The following SEC23A variants were observed in gnomAD, a reference collection of about 807,000 sequenced individuals.
The protein encoded by SEC23A is protein transport protein Sec23A.
Under a neutral mutation model 103.7 loss-of-function variants are expected in SEC23A, and 56 were observed. The observed-to-expected ratio is 0.54, with a 90% confidence interval of 0.44 to 0.67. SEC23A has a LOEUF of 0.67. Among genes scored for constraint, SEC23A ranks in the 30% least tolerant of loss-of-function variants. The probability of loss-of-function intolerance (pLI) is 0.00; values close to 1 mark genes in which losing one functional copy is unlikely to be tolerated. For missense variants in SEC23A, 784 were observed against 936.4 expected (o/e 0.84, Z 2.12); for synonymous variants, 281 against 293.0 (o/e 0.96, Z 0.42).
intron 13 of SEC23A, among the ~76,000 whole-genome samples, chr14:39,061,102 T>C (rs1886457154): frequency 6.6e-6 from 1 of 151,990 alleles, no homozygotes; most frequent in Admixed American, 6.6e-5. Context: ...AAACAGGGAG[T>C]TTGTTTTAAA....
intron 15 of SEC23A, among the ~76,000 whole-genome samples, chr14:39,046,267 A>C (rs2139195535): frequency 6.6e-6 from 1 of 152,202 alleles, no homozygotes; most frequent in East Asian, 1.9e-4. Flanking sequence ...TTGGGAGTTC[A>C]AGACCAGCCT....
rs180990387 is a variant in SEC23A at position 39,071,866 on chromosome 14, T to C, written c.1103+2549A>G. ...GTGACAGAGCGACTCCGTCTCAAAATAAAAAAGAAAGAAAAAGCATGAAAT... is the reference window on the plus strand; with the variant it reads ...GTGACAGAGCGACTCCGTCTCAAAACAAAAAAGAAAGAAAAAGCATGAAAT... On this transcript the variant is annotated intron_variant, in intron 9 of 19. Coordinates refer to ENST00000307712, the MANE Select transcript of SEC23A (RefSeq NM_006364.4). 2.0e-3 allele frequency among the ~76,000 whole-genome samples: 303 copies of C among 149,838 alleles called. 1 individual carries two copies. The highest frequency in any genetic ancestry group is 7.0e-3 in the African/African-American group (286 of 40,752).
rs568551930 is a variant in SEC23A, at chr14:39,047,474, A to G, written c.1737+1178T>C. ...GGAGTTTCTGGGTTATAGATCAATCAGCAATAAAGGATCCTCAAAACAAAA... is the reference window on the plus strand; with the variant it reads ...GGAGTTTCTGGGTTATAGATCAATCGGCAATAAAGGATCCTCAAAACAAAA... On this transcript the variant is annotated intron_variant, in intron 15 of 19. Transcript: ENST00000307712. 233 of 1,054,258 alleles carry G rather than the reference A, an allele frequency of 2.2e-4. 1 individual carries two copies. The African/African-American group carries it at 3.5e-3, about 16-fold the overall frequency. 65.3% of individuals were successfully genotyped at this position (1,054,258 alleles called of 1,614,324 possible). A position where few individuals can be genotyped will look rare whatever the true frequency, so the allele number is the denominator to read the frequency against.
At chr14:39,092,476 T>A in intron 4 of SEC23A, 65 bp downstream of exon 4, 1 of 942,834 alleles carries the variant, frequency 1.1e-6, no homozygotes, top group East Asian at 2.6e-5. Context: ...TAAATCATCA[T>A]AATTTAACAA....
chr14:39,042,954 T>C, intron 16 of SEC23A, 82 bp from the exon 17 acceptor site: 3 of 902,216 alleles, frequency 3.3e-6, no homozygotes, highest in Non-Finnish European at 3.5e-6. Context: ...TTCCAGGTTA[T>C]TTTCCAAGTT....
At position 39,052,256 on chromosome 14, in the gene SEC23A, C is replaced by T. The variant is rs146829088; in HGVS notation, c.1659+2887G>A. 6.6e-5 allele frequency among the ~76,000 whole-genome samples: 10 copies of T among 151,558 alleles called. No individual in the cohort carries two copies. The East Asian group carries it at 1.2e-3, about 18-fold the overall frequency. On this transcript the variant is annotated intron_variant, in intron 14 of 19. Transcript: ENST00000307712. The stretch of plus-strand genomic sequence containing the variant: ...CTGTGCAGTAAACCACCATGGCACA[C>T]GTTTACCTATACAAAAAACCTGCAC...
At chr14:39,074,232 C>T (rs914135426) in intron 9 of SEC23A, among the ~76,000 whole-genome samples, 183 bp downstream of exon 9, 12 of 152,078 alleles carry the variant, frequency 7.9e-5, no homozygotes, top group African/African-American at 2.7e-4. Flanking sequence ...TTTATAACTC[C>T]ATATTTTTAA....
chr14:39,094,049 T>C (rs1227512071), intron 2 of SEC23A, among the ~76,000 whole-genome samples: 2 of 151,202 alleles, frequency 1.3e-5, no homozygotes, highest in East Asian at 3.9e-4. Context: ...TGAGACAGGG[T>C]CTCGTTCTAT....
At position 39,084,091 on chromosome 14, in the gene SEC23A, G is replaced by A. The variant is rs186965566; in HGVS notation, c.828+1671C>T. 1.3e-4 allele frequency among the ~76,000 whole-genome samples: 19 copies of A among 151,444 alleles called. No individual in the cohort carries two copies. In the South Asian group the frequency reaches 1.5e-3, roughly 12 times the overall value. On this transcript the variant is annotated intron_variant, in intron 7 of 19. Coordinates refer to ENST00000307712, the MANE Select transcript of SEC23A (RefSeq NM_006364.4). The stretch of plus-strand genomic sequence containing the variant: ...GGCTGGAGTGCAGTGGCATGATCTC[G>A]GCTCACTGCAACCTCCACCTTCCGG...
intron 5 of SEC23A, among the ~76,000 whole-genome samples, chr14:39,090,342 C>A (rs1022867974): frequency 6.6e-6 from 1 of 151,966 alleles, no homozygotes; most frequent in African/African-American, 2.4e-5. Context: ...GGTATATATA[C>A]CAACTATCCC....
Position 39,042,891 on chromosome 14 carries a change from T to C in SEC23A, c.1900-19A>G. ...GAACCGGCTAACGTAAAGAAAACAA[T>C]GAGAAATGAGGAAAAAGGAAAAATA... On this transcript the variant is annotated intron_variant, in intron 16 of 19. Transcript: ENST00000307712. The C allele has an allele frequency of 3.9e-6, 6 of 1,534,574 alleles. No homozygotes were observed. Among genetic ancestry groups the C allele is most frequent in the Non-Finnish European group, 5.4e-6 (6 of 1,108,670 alleles).
At chr14:39,043,449 C>G (rs1885721629) in intron 16 of SEC23A, among the ~76,000 whole-genome samples, 1 of 152,014 alleles carries the variant, frequency 6.6e-6, no homozygotes, top group Non-Finnish European at 1.5e-5. Flanking sequence ...AACTCCTAAG[C>G]CTAAATGGGG....
intron 19 of SEC23A, 41 bp from the exon 20 acceptor site, chr14:39,033,369 T>C: frequency 7.7e-7 from 1 of 1,293,364 alleles, no homozygotes; most frequent in Admixed American, 1.7e-5. Context: ...AAGCATAGGG[T>C]GATATCATGG....
At chr14:39,064,336 A>G (rs946458331) in intron 11 of SEC23A, among the ~76,000 whole-genome samples, 1 of 152,206 alleles carries the variant, frequency 6.6e-6, no homozygotes, top group Non-Finnish European at 1.5e-5. Flanking sequence ...TTATACTTCC[A>G]TTAAATTGGA....
chr14:39,063,203 G>A (rs1276299231), intron 12 of SEC23A, 121 bp downstream of exon 12: 1 of 629,902 alleles, frequency 1.6e-6, no homozygotes, highest in Non-Finnish European at 2.8e-6. Context: ...TTCCAATACA[G>A]AAAATAAATG....
rs191597232 is a variant in SEC23A, at chr14:39,049,536, G to A, written c.1660-807C>T. Among the ~76,000 whole-genome samples the A allele has an allele frequency of 2.6e-5, 4 of 151,954 alleles. No individual in the cohort carries two copies. The East Asian group carries it at 5.9e-4, about 22-fold the overall frequency. On this transcript the variant is annotated intron_variant, in intron 14 of 19. Transcript: ENST00000307712. Reference sequence around the variant, plus strand: ...TCATGCCTATAATTCAAGCACTTTGGGAGGCCAACACAGGAGGATCACTTG... The same window carrying A: ...TCATGCCTATAATTCAAGCACTTTGAGAGGCCAACACAGGAGGATCACTTG...
At chr14:39,053,974 T>G (rs193004089) in intron 14 of SEC23A, among the ~76,000 whole-genome samples, 1 of 151,860 alleles carries the variant, frequency 6.6e-6, no homozygotes. Flanking sequence ...CTCAACAAAA[T>G]TTTTTTTAAA....
chr14:39,095,842 AC>A, intron 2 of SEC23A, 55 bp downstream of exon 2: 1 of 1,340,554 alleles, frequency 7.5e-7, no homozygotes, highest in Non-Finnish European at 1.1e-6. Context: ...ATGCAGAAAA[AC>A]CCCGACATTT....
intron 5 of SEC23A, chr14:39,091,053 A>G: frequency 2.4e-6 from 1 of 408,496 alleles, no homozygotes. Context: ...CAAAGAAAGA[A>G]GAACCTGAGG....
Sources: allele counts gnomAD v4.1 joint callset (sites outside exome capture counted in the v4.1 genomes callset), GRCh38; gene constraint gnomAD v4.1.1; transcripts MANE v1.5; gene names NCBI Gene and HGNC (gene_info 2026-07-23, HGNC 2026-07-21).